The following PDE4B variants were observed in gnomAD, a reference collection of about 807,000 sequenced individuals.
PDE4B encodes 3',5'-cyclic-AMP phosphodiesterase 4B.
Under a neutral mutation model 82.2 loss-of-function variants are expected in PDE4B, and 20 were observed. The ratio of observed to expected loss-of-function variants is 0.24; its 90% CI spans 0.17 to 0.35. PDE4B has a LOEUF of 0.35. Ranked by LOEUF, PDE4B falls within the 10% of genes least tolerant of loss-of-function variation. The probability of loss-of-function intolerance (pLI) is 1.00; values close to 1 mark genes in which losing one functional copy is unlikely to be tolerated. For missense variants in PDE4B, 655 were observed against 907.2 expected (o/e 0.72, Z 3.57); for synonymous variants, 320 against 318.9 (o/e 1.00, Z -0.04).
intron 7 of PDE4B, among the ~76,000 whole-genome samples, chr1:66,306,106 T>A (rs1385730944): frequency 6.6e-6 from 1 of 151,990 alleles, no homozygotes; most frequent in Non-Finnish European, 1.5e-5. Context: ...GACAATGTGC[T>A]GAAAATAACA....
chr1:65,975,127 G>A (rs574165324), intron 3 of PDE4B, among the ~76,000 whole-genome samples: 17 of 152,166 alleles, frequency 1.1e-4, no homozygotes, highest in Non-Finnish European at 2.4e-4. Context: ...ATAGTGATAT[G>A]GACAATGAAG....
chr1:66,082,692 CAATA>C (rs1656806166), intron 3 of PDE4B, among the ~76,000 whole-genome samples: 1 of 151,242 alleles, frequency 6.6e-6, no homozygotes. Context: ...TAGAAAGGCT[CAATA>C]AATAAATATT....
Position 66,270,005 on chromosome 1 carries a change from T to TAAC in PDE4B, c.634+3920_634+3922dup, listed in dbSNP as rs1212870588. Among the ~76,000 whole-genome samples the TAAC allele has an allele frequency of 2.0e-5, 3 of 152,190 alleles. No individual in the cohort carries two copies. The East Asian group carries it at 5.8e-4, about 29-fold the overall frequency. On this transcript the variant is annotated intron_variant, in intron 7 of 16. Coordinates refer to ENST00000341517, the MANE Select transcript of PDE4B (RefSeq NM_002600.4). Reference sequence around the variant, plus strand: ...TACTGAGCAGGAACATTACCACTGGTAACAGATCAGATGTTATGAAAAACA... The same window carrying TAAC: ...TACTGAGCAGGAACATTACCACTGGTAACAACAGATCAGATGTTATGAAAAACA...
intron 16 of PDE4B, among the ~76,000 whole-genome samples, chr1:66,370,396 G>A (rs2050702287): frequency 1.3e-5 from 2 of 152,036 alleles, no homozygotes; most frequent in Admixed American, 1.3e-4. Context: ...TATCTTACTT[G>A]GATCCCCAAA....
rs765419503 is a variant in PDE4B at position 66,368,693 on chromosome 1, G to A, written c.1663-94G>A. Reference sequence around the variant, plus strand: ...TATAATGCAACTAAAATGTTCTCGGGTTTAGTACCAAGCGTACTAGTATGA... The same window carrying A: ...TATAATGCAACTAAAATGTTCTCGGATTTAGTACCAAGCGTACTAGTATGA... On this transcript the variant is annotated intron_variant, in intron 15 of 16. Transcript: ENST00000341517. 4.2e-6 allele frequency: 4 copies of A among 947,058 alleles called. No individual in the cohort carries two copies. In the African/African-American group the frequency reaches 5.0e-5, roughly 12 times the overall value. The allele number at this position is 947,058 out of a possible 1,614,324, so 58.7% of individuals were successfully genotyped here. A position where few individuals can be genotyped will look rare whatever the true frequency, so the allele number is the denominator to read the frequency against.
chr1:66,053,533 T>C (rs533494809), intron 3 of PDE4B, among the ~76,000 whole-genome samples: 4 of 152,102 alleles, frequency 2.6e-5, no homozygotes, highest in African/African-American at 7.2e-5. Flanking sequence ...AGAGATAGAG[T>C]AACCTGGCCA....
At chr1:65,993,199 G>T (rs1446021819) in intron 3 of PDE4B, 9 of 1,293,894 alleles carry the variant, frequency 7.0e-6, no homozygotes, top group Non-Finnish European at 8.8e-6. Flanking sequence ...ATTAGCACCA[G>T]TGATCTAGCA....
intron 3 of PDE4B, among the ~76,000 whole-genome samples, chr1:66,101,735 C>G (rs1383431883): frequency 2.0e-5 from 3 of 152,066 alleles, no homozygotes; most frequent in South Asian, 2.1e-4. Flanking sequence ...GATATTAGCC[C>G]TTTGTCAGAT....
intron 4 of PDE4B, among the ~76,000 whole-genome samples, chr1:66,251,292 G>A (rs767239729): frequency 6.6e-6 from 1 of 152,190 alleles, no homozygotes; most frequent in Non-Finnish European, 1.5e-5. Context: ...AGGATATTAG[G>A]GCACAGAGAA....
intron 3 of PDE4B, among the ~76,000 whole-genome samples, chr1:66,233,695 T>A (rs921512214): frequency 3.3e-4 from 27 of 82,534 alleles, no homozygotes; most frequent in African/African-American, 7.5e-4. Context: ...TGTAAATATA[T>A]GTGTGTGTGT....
At chr1:65,845,065 C>G (rs2101362042) in intron 1 of PDE4B, among the ~76,000 whole-genome samples, 1 of 152,268 alleles carries the variant, frequency 6.6e-6, no homozygotes, top group Non-Finnish European at 1.5e-5. Context: ...GCATCTCCAC[C>G]TGTCATTTCT....
intron 3 of PDE4B, among the ~76,000 whole-genome samples, chr1:65,943,816 T>C (rs150917865): frequency 1.2e-4 from 18 of 152,168 alleles, no homozygotes; most frequent in Non-Finnish European, 2.2e-4. Flanking sequence ...ATAGAAATGC[T>C]ACTGATTTAT....
At chr1:66,335,266 G>C (rs1367385475) in intron 8 of PDE4B, among the ~76,000 whole-genome samples, 1 of 152,194 alleles carries the variant, frequency 6.6e-6, no homozygotes, top group Non-Finnish European at 1.5e-5. Flanking sequence ...TCCTAGTTCT[G>C]TTTCAGCTAC....
intron 3 of PDE4B, among the ~76,000 whole-genome samples, chr1:66,019,866 AC>A (rs1204850224): frequency 6.6e-6 from 1 of 152,122 alleles, no homozygotes; most frequent in Non-Finnish European, 1.5e-5. Context: ...AGTAGACAAT[AC>A]TCTCAGAGAG....
chr1:66,106,580 G>C (rs966476876), intron 3 of PDE4B, among the ~76,000 whole-genome samples: 10 of 150,486 alleles, frequency 6.6e-5, no homozygotes, highest in Non-Finnish European at 8.9e-5. Context: ...GACTCTTTTT[G>C]GTTGGTAAGC....
At chr1:66,215,663 T>C (rs1213449799) in intron 3 of PDE4B, among the ~76,000 whole-genome samples, 3 of 152,102 alleles carry the variant, frequency 2.0e-5, no homozygotes, top group Non-Finnish European at 4.4e-5. Context: ...GAGTCAAAGC[T>C]GAACATGCCC....
intron 3 of PDE4B, among the ~76,000 whole-genome samples, chr1:66,173,700 A>T (rs1646880773): frequency 6.6e-6 from 1 of 152,192 alleles, no homozygotes; most frequent in Non-Finnish European, 1.5e-5. Context: ...ATTAAGATTT[A>T]TCTGTTTTTA....
chr1:66,064,534 T>C (rs1056882602), intron 3 of PDE4B, among the ~76,000 whole-genome samples: 2 of 151,986 alleles, frequency 1.3e-5, no homozygotes, highest in Admixed American at 6.6e-5. Flanking sequence ...GCCCTCCAAT[T>C]TCTTGCTGGT....
intron 3 of PDE4B, among the ~76,000 whole-genome samples, chr1:65,980,856 T>G (rs1482674518): frequency 6.6e-6 from 1 of 152,068 alleles, no homozygotes; most frequent in African/African-American, 2.4e-5. Context: ...ATGAGAAAAA[T>G]TTAAAAAGAT....
Sources: allele counts gnomAD v4.1 joint callset (sites outside exome capture counted in the v4.1 genomes callset), GRCh38; gene constraint gnomAD v4.1.1; transcripts MANE v1.5; gene names NCBI Gene and HGNC (gene_info 2026-07-23, HGNC 2026-07-21).